Variants in CATSPERE observed in about 807,000 individuals in gnomAD.
The protein encoded by CATSPERE is catsper channel auxiliary subunit epsilon.
In CATSPERE, 93 loss-of-function variants were observed where a neutral mutation model predicts 114.1. The observed-to-expected ratio is 0.81, with a 90% CI of 0.69 to 0.97. The LOEUF (loss-of-function observed/expected upper bound fraction) is 0.97, where lower values mean the gene tolerates loss of function less well. Ranked by LOEUF, CATSPERE falls within the 50% of genes least tolerant of loss-of-function variation. The pLI is 0.00. For missense variants in CATSPERE, 1,058 were observed against 1,131.6 expected (o/e 0.93, Z 0.93); for synonymous variants, 341 against 384.1 (o/e 0.89, Z 1.31).
chr1:244,503,488 G>A (rs973944136), intron 7 of CATSPERE, among the ~76,000 whole-genome samples: 3 of 151,954 alleles, frequency 2.0e-5, no homozygotes, highest in Non-Finnish European at 4.4e-5. Flanking sequence ...CTGCCATCAC[G>A]TTTACCCTCT....
chr1:244,544,353 G>T (rs1659382232), intron 8 of CATSPERE, among the ~76,000 whole-genome samples: 2 of 152,130 alleles, frequency 1.3e-5, no homozygotes, highest in Non-Finnish European at 2.9e-5. Flanking sequence ...GTCACCATGG[G>T]CCTCTATCAG....
intron 19 of CATSPERE, among the ~76,000 whole-genome samples, chr1:244,614,666 C>T (rs992439128): frequency 2.0e-5 from 3 of 152,156 alleles, no homozygotes; most frequent in East Asian, 1.9e-4. Context: ...GGCAACCAGC[C>T]AGGGGTGTAC....
rs1441799983 is a variant in CATSPERE at position 244,461,302 on chromosome 1, G to C, written c.-128G>C. The C allele has an allele frequency of 2.6e-6, 2 of 770,918 alleles. No individual in the cohort carries two copies. The highest frequency in any genetic ancestry group is 3.6e-5 in the African/African-American group (2 of 55,188). 47.8% of individuals were successfully genotyped at this position (770,918 alleles called of 1,614,324 possible). A position where few individuals can be genotyped will look rare whatever the true frequency, so the allele number is the denominator to read the frequency against. Reference sequence around the variant, plus strand: ...TTCTCCCTCGCTGGTCTTCAGGCCCGGCCCGCCCTGTCCAGAGGCGCCGGG... The same window carrying C: ...TTCTCCCTCGCTGGTCTTCAGGCCCCGCCCGCCCTGTCCAGAGGCGCCGGG... On this transcript the variant is annotated 5_prime_UTR_variant, in exon 1 of 22. Transcript: ENST00000366534.
chr1:244,579,164 G>A (rs1446600635), intron 11 of CATSPERE, among the ~76,000 whole-genome samples: 1 of 152,154 alleles, frequency 6.6e-6, no homozygotes, highest in Non-Finnish European at 1.5e-5. Flanking sequence ...AGCATTTTAA[G>A]CAGATACTCA....
chr1:244,636,314 G>A (rs1165862147), intron 21 of CATSPERE, among the ~76,000 whole-genome samples: 1 of 152,108 alleles, frequency 6.6e-6, no homozygotes, highest in Admixed American at 6.5e-5. Context: ...TTTTGCGGGG[G>A]AGGGGAGAGG....
chr1:244,513,635 A>C (rs1240556095), intron 7 of CATSPERE, among the ~76,000 whole-genome samples: 1 of 152,158 alleles, frequency 6.6e-6, no homozygotes, highest in Non-Finnish European at 1.5e-5. Flanking sequence ...GCCGCTTGCA[A>C]CGAGCAGGGT....
At chr1:244,585,620 T>C (rs931849323) in intron 13 of CATSPERE, among the ~76,000 whole-genome samples, 3 of 152,148 alleles carry the variant, frequency 2.0e-5, no homozygotes, top group South Asian at 2.1e-4. Flanking sequence ...CAGATAAATA[T>C]TGTAGAGACA....
At chr1:244,468,475 A>G (rs1016851582) in intron 2 of CATSPERE, among the ~76,000 whole-genome samples, 4 of 152,202 alleles carry the variant, frequency 2.6e-5, no homozygotes, top group Admixed American at 6.5e-5. Flanking sequence ...GTCCATCTTT[A>G]ATTCATAAAT....
In CATSPERE at chr1:244,581,131, A is replaced by G. The variant is rs79532883; in HGVS notation, c.1951-665A>G. Reference sequence around the variant, plus strand: ...AACTTCATATGAAGGGAATCATTGCATGTATATTATATACACACATCCATC... The same window carrying G: ...AACTTCATATGAAGGGAATCATTGCGTGTATATTATATACACACATCCATC... On this transcript the variant is annotated intron_variant, in intron 11 of 21. Coordinates refer to ENST00000366534, the MANE Select transcript of CATSPERE (RefSeq NM_001130957.2). Among the ~76,000 whole-genome samples, 736 of 152,218 alleles carry G rather than the reference A, an allele frequency of 4.8e-3. 8 individuals carry two copies. The highest frequency in any genetic ancestry group is 0.017 in the African/African-American group (714 of 41,500).
intron 19 of CATSPERE, among the ~76,000 whole-genome samples, chr1:244,614,544 G>C (rs1388310161): frequency 2.0e-5 from 3 of 152,166 alleles, no homozygotes; most frequent in Admixed American, 1.3e-4. Context: ...TTTCCCAGAG[G>C]TCTGTCCGAG....
At chr1:244,479,915 C>A in intron 5 of CATSPERE, 131 bp downstream of exon 5, 2 of 435,518 alleles carry the variant, frequency 4.6e-6, no homozygotes, top group South Asian at 7.0e-5. Context: ...AAGCTATTCT[C>A]AAATATACTG....
At chr1:244,540,674 C>T (rs574974508) in intron 8 of CATSPERE, among the ~76,000 whole-genome samples, 1 of 147,278 alleles carries the variant, frequency 6.8e-6, no homozygotes, top group Admixed American at 6.8e-5. Flanking sequence ...TCATATGGAA[C>T]CAAAAAAGAG....
At chr1:244,597,534 CTTTTTT>C (rs34454607) in intron 17 of CATSPERE, among the ~76,000 whole-genome samples, 2 of 128,216 alleles carry the variant, frequency 1.6e-5, no homozygotes, top group Non-Finnish European at 3.2e-5. Flanking sequence ...TCCCTGATTT[CTTTTTT>C]TTTTTTTTTT....
At chr1:244,542,628 T>C (rs1323929809) in intron 8 of CATSPERE, among the ~76,000 whole-genome samples, 1 of 152,218 alleles carries the variant, frequency 6.6e-6, no homozygotes, top group Non-Finnish European at 1.5e-5. Context: ...GATAATGGCA[T>C]CCAGCTTCCT....
At chr1:244,623,058 T>TTTTTTTTATTTATTTATTTATTTA (rs140542129) in intron 20 of CATSPERE, among the ~76,000 whole-genome samples, 7 of 145,508 alleles carry the variant, frequency 4.8e-5, no homozygotes, top group Admixed American at 2.1e-4. Flanking sequence ...TTTGTCTTAT[T>TTTTTTTTATTTATTTATTTATTTA]TTTATTTATT....
intron 5 of CATSPERE, among the ~76,000 whole-genome samples, chr1:244,485,152 G>T (rs972381796): frequency 1.3e-5 from 2 of 150,864 alleles, no homozygotes; most frequent in East Asian, 3.9e-4. Context: ...ATCAATTCTG[G>T]AAAATTCACA....
intron 18 of CATSPERE, 48 bp from the exon 19 acceptor site, chr1:244,610,192 G>A (rs975176958): frequency 5.9e-6 from 7 of 1,187,064 alleles, no homozygotes; most frequent in Non-Finnish European, 8.5e-6. Context: ...GGAATAAGTT[G>A]ATATGAAAAC....
At chr1:244,546,635 CA>C (rs1305294483) in intron 8 of CATSPERE, among the ~76,000 whole-genome samples, 1 of 152,010 alleles carries the variant, frequency 6.6e-6, no homozygotes, top group Non-Finnish European at 1.5e-5. Context: ...ATAAATTTAA[CA>C]GAGATTGATT....
intron 20 of CATSPERE, among the ~76,000 whole-genome samples, chr1:244,625,401 ATT>A (rs1672989808): frequency 2.4e-4 from 11 of 46,366 alleles, no homozygotes; most frequent in East Asian, 9.4e-4. Flanking sequence ...TATTATTATT[ATT>A]ATTTATATAT....
Sources: gnomAD v4.1 joint callset for allele counts (sites outside exome capture counted in the v4.1 genomes callset) on GRCh38, gnomAD v4.1.1 for gene constraint, MANE v1.5 for transcripts, NCBI Gene and HGNC (gene_info 2026-07-23, HGNC 2026-07-21) for gene names.